NCOA1: variants seen among roughly 807,000 people sequenced by gnomAD.
NCOA1 encodes the protein nuclear receptor coactivator 1.
Under a neutral mutation model 150.9 loss-of-function variants are expected in NCOA1, and 35 were observed. That is an observed-to-expected ratio of 0.23 (90% CI 0.18 to 0.31). The LOEUF is 0.31. NCOA1 is among the 10% of genes least tolerant of loss of function. NCOA1 has a pLI of 1.00. For missense variants in NCOA1, 1,491 were observed against 1,749.3 expected, an observed-to-expected ratio of 0.85 and a Z score of 2.63; for synonymous variants, 590 against 630.0, an observed-to-expected ratio of 0.94 and a Z score of 0.95.
In NCOA1 at chr2:24,697,701, C is replaced by T. The variant is rs144072635; in HGVS notation, c.852C>T (p.Gly284=). ...SIDTSSLRAA[G]RTGWEDLVRK... ...ATACTAGTTCCCTGAGAGCTGCTGG[C>T]AGAACTGGTTGGGAAGATTTAGTGA... The change falls in exon 11 of 23, where the codon GGC becomes GGT. Residue 284 remains glycine, a synonymous_variant. Coordinates refer to ENST00000348332, the MANE Select transcript of NCOA1 (RefSeq NM_003743.5). 1.2e-6 allele frequency: 2 copies of T among 1,613,094 alleles called. No homozygotes were observed. The highest frequency in any genetic ancestry group is 2.2e-5 in the South Asian group (2 of 91,050).
chr2:24,677,493 G>A (rs755421218), intron 7 of NCOA1, among the ~76,000 whole-genome samples: 2 of 152,112 alleles, frequency 1.3e-5, no homozygotes, highest in Admixed American at 6.6e-5. Flanking sequence ...ACACAATCTC[G>A]GATTACTGTA....
At chr2:24,737,643 A>G (rs754949331) in intron 17 of NCOA1, among the ~76,000 whole-genome samples, 1 of 152,080 alleles carries the variant, frequency 6.6e-6, no homozygotes, top group Non-Finnish European at 1.5e-5. Context: ...TCATCCTTCA[A>G]GATGAATGCA....
intron 17 of NCOA1, among the ~76,000 whole-genome samples, chr2:24,736,232 A>G (rs887150772): frequency 1.1e-4 from 17 of 150,606 alleles, no homozygotes; most frequent in South Asian, 4.2e-4. Flanking sequence ...AAAAAAAAAA[A>G]AAAAAGAAAA....
intron 4 of NCOA1, among the ~76,000 whole-genome samples, chr2:24,652,899 A>C (rs1295130367): frequency 6.6e-6 from 1 of 152,200 alleles, no homozygotes; most frequent in Admixed American, 6.5e-5. Context: ...AAGCCATTTC[A>C]CATAAATACA....
At chr2:24,703,999 C>T (rs1165764846) in intron 11 of NCOA1, among the ~76,000 whole-genome samples, 1 of 152,060 alleles carries the variant, frequency 6.6e-6, no homozygotes, top group African/African-American at 2.4e-5. Context: ...ATAGCCTTTA[C>T]GTATTTAATA....
At chr2:24,746,394 T>TTACC (rs1663918046) in intron 19 of NCOA1, among the ~76,000 whole-genome samples, 1 of 151,878 alleles carries the variant, frequency 6.6e-6, no homozygotes, top group African/African-American at 2.4e-5. Context: ...AATACAAAAA[T>TTACC]CAGCTGGGTG....
chr2:24,706,636 C>T lies in NCOA1; in HGVS notation c.1166C>T (p.Ser389Leu), dbSNP rs764983598. 4.6e-5 allele frequency: 74 copies of T among 1,614,172 alleles called. 1 individual carries two copies. Among genetic ancestry groups the T allele is most frequent in the Middle Eastern group, 1.6e-4 (1 of 6,062 alleles). ...SGMSIPRVNPSVNPSISPAHG... is the reference protein window; with the variant it reads ...SGMSIPRVNPLVNPSISPAHG... Reference sequence around the variant, plus strand: ...ATGTCAATTCCCCGAGTAAATCCCTCGGTCAATCCTAGTATCTCTCCAGCT... The same window carrying T: ...ATGTCAATTCCCCGAGTAAATCCCTTGGTCAATCCTAGTATCTCTCCAGCT... The change falls in exon 13 of 23, where the codon TCG (serine) becomes TTG (leucine). Residue 389 changes from serine to leucine, a missense_variant. Transcript: ENST00000348332.
intron 5 of NCOA1, among the ~76,000 whole-genome samples, chr2:24,663,434 TG>T (rs1671274478): frequency 6.6e-6 from 1 of 152,194 alleles, no homozygotes; most frequent in Non-Finnish European, 1.5e-5. Context: ...AATTTATTCT[TG>T]GATCCTCTAG....
intron 1 of NCOA1, among the ~76,000 whole-genome samples, chr2:24,503,860 G>A (rs1411123445): frequency 6.6e-6 from 1 of 151,226 alleles, no homozygotes; most frequent in African/African-American, 2.4e-5. Flanking sequence ...TCAGCCTCCC[G>A]AGTAGCTGGG....
chr2:24,608,245 C>CTTATTA (rs1266276976), intron 3 of NCOA1, among the ~76,000 whole-genome samples: 2 of 127,550 alleles, frequency 1.6e-5, no homozygotes, highest in East Asian at 2.3e-4. Context: ...ACCCAGTTCC[C>CTTATTA]CTATTATTAT....
intron 17 of NCOA1, 34 bp downstream of exon 17, chr2:24,729,849 T>A: frequency 3.3e-6 from 5 of 1,514,150 alleles, no homozygotes; most frequent in Non-Finnish European, 4.4e-6. Flanking sequence ...GATACTTTTT[T>A]TTTTTTTGAG....
At chr2:24,608,709 T>TG (rs1310076327) in intron 3 of NCOA1, among the ~76,000 whole-genome samples, 2 of 150,174 alleles carry the variant, frequency 1.3e-5, no homozygotes, top group African/African-American at 4.9e-5. Context: ...GTTGTGTTTT[T>TG]TTTTTTTTTT....
At chr2:24,540,924 G>C (rs1013998173) in intron 1 of NCOA1, among the ~76,000 whole-genome samples, 6 of 152,152 alleles carry the variant, frequency 3.9e-5, no homozygotes, top group African/African-American at 1.4e-4. Context: ...TTCTTGATTG[G>C]TTGAGTGGAG....
At chr2:24,652,947 C>A (rs764896095) in intron 4 of NCOA1, among the ~76,000 whole-genome samples, 10 of 152,188 alleles carry the variant, frequency 6.6e-5, no homozygotes, top group Middle Eastern at 3.4e-3. Flanking sequence ...TTTTACATTG[C>A]CTTGTTTATT....
chr2:24,533,910 T>G (rs1324860673), intron 1 of NCOA1, among the ~76,000 whole-genome samples: 2 of 152,160 alleles, frequency 1.3e-5, no homozygotes, highest in African/African-American at 4.8e-5. Context: ...TTCTCTTTTT[T>G]GTTGTGTCTC....
intron 3 of NCOA1, among the ~76,000 whole-genome samples, chr2:24,620,714 G>A (rs1213390056): frequency 6.6e-6 from 1 of 151,348 alleles, no homozygotes; most frequent in Non-Finnish European, 1.5e-5. Context: ...AAAGTGTTTT[G>A]TATGTTCACT....
chr2:24,713,261 AAAATT>A (rs1279332655), intron 14 of NCOA1, among the ~76,000 whole-genome samples: 5 of 151,756 alleles, frequency 3.3e-5, no homozygotes, highest in African/African-American at 1.2e-4. Context: ...ATTAATTTTA[AAAATT>A]AAATTTAATT....
intron 11 of NCOA1, among the ~76,000 whole-genome samples, chr2:24,698,775 T>C (rs1673018415): frequency 6.6e-6 from 1 of 152,248 alleles, no homozygotes; most frequent in African/African-American, 2.4e-5. Flanking sequence ...TTTAACATTT[T>C]TCCCATAACA....
At chr2:24,552,397 C>T (rs1403832779) in intron 1 of NCOA1, among the ~76,000 whole-genome samples, 40 of 100,546 alleles carry the variant, frequency 4.0e-4, no homozygotes, top group Admixed American at 1.2e-3. Flanking sequence ...GATGGAGTCT[C>T]GCTCTGTTGT....
Sources: gnomAD v4.1 joint callset for allele counts (sites outside exome capture counted in the v4.1 genomes callset) on GRCh38, gnomAD v4.1.1 for gene constraint, MANE v1.5 for transcripts, NCBI Gene and HGNC (gene_info 2026-07-23, HGNC 2026-07-21) for gene names.